RNF2: variants seen among roughly 807,000 people sequenced by gnomAD.
The protein encoded by RNF2 is E3 ubiquitin-protein ligase RING2.
RNF2 carries 6 observed loss-of-function variants against 37.2 expected under a neutral mutation model. The observed-to-expected ratio is 0.16, with a 90% CI of 0.09 to 0.32. RNF2 has a LOEUF of 0.32. RNF2 is among the 10% of genes least tolerant of loss of function. The pLI is 1.00. For synonymous variants in RNF2, 133 were observed against 132.7 expected (o/e 1.00, Z -0.02); for missense variants, 251 against 404.0 (o/e 0.62, Z 3.25).
At chr1:185,050,899 C>T (rs937480623) in intron 1 of RNF2, among the ~76,000 whole-genome samples, 5 of 152,180 alleles carry the variant, frequency 3.3e-5, no homozygotes, top group Non-Finnish European at 4.4e-5. Flanking sequence ...CAAGGTATTT[C>T]GGTGTGGGAT....
At chr1:185,075,689 GAC>G (rs1412103005) in intron 1 of RNF2, among the ~76,000 whole-genome samples, 1 of 152,138 alleles carries the variant, frequency 6.6e-6, no homozygotes, top group African/African-American at 2.4e-5. Flanking sequence ...GGAGATACTA[GAC>G]ACTTCTAAAC....
chr1:185,075,167 T>A (rs534798421), intron 1 of RNF2, among the ~76,000 whole-genome samples: 53 of 152,258 alleles, frequency 3.5e-4, no homozygotes, highest in African/African-American at 1.3e-3. Context: ...CTAATTTTTT[T>A]ATTTTTAGTA....
intron 1 of RNF2, among the ~76,000 whole-genome samples, chr1:185,080,702 A>G (rs1557969262): frequency 6.6e-6 from 1 of 152,216 alleles, no homozygotes; most frequent in African/African-American, 2.4e-5. Flanking sequence ...TCCAAATGGT[A>G]CCAGGAAATT....
intron 1 of RNF2, among the ~76,000 whole-genome samples, chr1:185,087,256 T>C (rs1044932733): frequency 1.3e-5 from 2 of 152,210 alleles, no homozygotes; most frequent in Admixed American, 6.5e-5. Context: ...AATTCCAAGA[T>C]CATGGCACCA....
intron 1 of RNF2, among the ~76,000 whole-genome samples, chr1:185,075,944 GATT>G (rs1651137344): frequency 6.6e-6 from 1 of 152,110 alleles, no homozygotes; most frequent in Admixed American, 6.5e-5. Context: ...GCAATTTACT[GATT>G]ATTAGTGAAG....
At chr1:185,089,460 G>A (rs188447181) in intron 2 of RNF2, among the ~76,000 whole-genome samples, 23 of 152,264 alleles carry the variant, frequency 1.5e-4, no homozygotes, top group African/African-American at 4.1e-4. Context: ...ACCAAGGGTC[G>A]ACCGTATATA....
intron 1 of RNF2, among the ~76,000 whole-genome samples, chr1:185,054,823 G>C (rs955423460): frequency 5.3e-5 from 8 of 152,126 alleles, no homozygotes; most frequent in Admixed American, 2.0e-4. Flanking sequence ...TCAGTTTCCT[G>C]AGTAGCTGGG....
chr1:185,057,862 A>G (rs1489580581), intron 1 of RNF2, among the ~76,000 whole-genome samples: 1 of 151,932 alleles, frequency 6.6e-6, no homozygotes, highest in African/African-American at 2.4e-5. Context: ...TGGCCAGGCA[A>G]GGTAGCTCAT....
intron 4 of RNF2, among the ~76,000 whole-genome samples, chr1:185,094,570 A>T (rs1033506169): frequency 1.3e-5 from 2 of 152,186 alleles, no homozygotes; most frequent in African/African-American, 4.8e-5. Flanking sequence ...GATGTATTGA[A>T]GTAAGTTCCC....
rs1462743433 is a variant in RNF2 at position 185,092,916 on chromosome 1, A to C, written c.249-145A>C. ...TTACCCACTAGTCAGATTTTCAAGG[A>C]AATTCAGGATAATTGGTTTACATTT... On this transcript the variant is annotated intron_variant, in intron 3 of 6. Transcript: ENST00000367510. 47 of 762,552 alleles carry C rather than the reference A, an allele frequency of 6.2e-5. No homozygotes were observed. The South Asian group carries it at 8.3e-4, about 13-fold the overall frequency. The allele number at this position is 762,552 out of a possible 1,614,324, so 47.2% of individuals were successfully genotyped here. A position where few individuals can be genotyped will look rare whatever the true frequency, so the allele number is the denominator to read the frequency against.
intron 1 of RNF2, chr1:185,071,741 A>G (rs1327440887): frequency 1.3e-5 from 2 of 156,240 alleles, no homozygotes; most frequent in East Asian, 3.7e-4. Context: ...GGTTTTGTCA[A>G]TGGCCAGTTC....
intron 4 of RNF2, among the ~76,000 whole-genome samples, chr1:185,094,577 T>C (rs991995679): frequency 7.2e-5 from 11 of 152,196 alleles, no homozygotes; most frequent in Non-Finnish European, 1.6e-4. Flanking sequence ...TGAAGTAAGT[T>C]CCCAACTGGT....
Position 185,102,301 on chromosome 1 carries a change from C to G in RNF2, c.*2000C>G, listed in dbSNP as rs537211191. 1 of 152,162 alleles carries G rather than the reference C, an allele frequency of 6.6e-6. No homozygotes were observed. The highest frequency in any genetic ancestry group is 2.4e-5 in the African/African-American group (1 of 41,512). The allele number at this position is 152,162 out of a possible 1,614,324, so 9.4% of individuals were successfully genotyped here. On this transcript the variant is annotated 3_prime_UTR_variant, in exon 7 of 7. Coordinates refer to ENST00000367510, the MANE Select transcript of RNF2 (RefSeq NM_007212.4). ...GGAGAGGCGATGCTATTGGCCATCACTACCAACCAGGGTTTCAAAAAGTAT... is the reference window on the plus strand; with the variant it reads ...GGAGAGGCGATGCTATTGGCCATCAGTACCAACCAGGGTTTCAAAAAGTAT...
At chr1:185,063,480 A>G (rs1420770732) in intron 1 of RNF2, among the ~76,000 whole-genome samples, 1 of 152,200 alleles carries the variant, frequency 6.6e-6, no homozygotes, top group Non-Finnish European at 1.5e-5. Context: ...GCAGAAGATA[A>G]GACTATTGAG....
At chr1:185,060,467 TA>T (rs1202937719) in intron 1 of RNF2, among the ~76,000 whole-genome samples, 1 of 152,314 alleles carries the variant, frequency 6.6e-6, no homozygotes, top group African/African-American at 2.4e-5. Flanking sequence ...CTTGCTCACT[TA>T]AGGACTCAAA....
At chr1:185,085,297 C>T (rs1318057257) in intron 1 of RNF2, among the ~76,000 whole-genome samples, 8 of 151,452 alleles carry the variant, frequency 5.3e-5, no homozygotes, top group Middle Eastern at 3.2e-3. Context: ...TACAGGCGCC[C>T]GCCACCGTGC....
intron 1 of RNF2, among the ~76,000 whole-genome samples, chr1:185,053,545 G>A (rs918889579): frequency 2.6e-5 from 4 of 151,652 alleles, no homozygotes; most frequent in African/African-American, 9.7e-5. Context: ...TGTAGAGATC[G>A]GGGTCTCATA....
intron 1 of RNF2, among the ~76,000 whole-genome samples, chr1:185,053,752 G>A (rs143410698): frequency 7.0e-4 from 107 of 152,266 alleles, no homozygotes; most frequent in African/African-American, 2.5e-3. Context: ...TGTGTGGTAC[G>A]TAATAGGCTC....
At chr1:185,100,103 GAAA>G (rs1231373232) in intron 6 of RNF2, 94 bp from the exon 7 acceptor site, 2 of 1,196,100 alleles carry the variant, frequency 1.7e-6, no homozygotes, top group South Asian at 1.5e-5. Context: ...CCTAAGATTT[GAAA>G]AAAAAAGATT....
Sources: allele counts gnomAD v4.1 joint callset (sites outside exome capture counted in the v4.1 genomes callset), GRCh38; gene constraint gnomAD v4.1.1; transcripts MANE v1.5; gene names NCBI Gene and HGNC (gene_info 2026-07-23, HGNC 2026-07-21).